The following ACTR3 variants were observed in gnomAD, a reference collection of about 807,000 sequenced individuals.
The protein encoded by ACTR3 is actin related protein 3, also known as actin-related protein 3.
A neutral mutation model predicts 56.8 loss-of-function variants in ACTR3; 12 were observed. That is an observed-to-expected ratio of 0.21 (90% confidence interval 0.14 to 0.34). ACTR3 has a LOEUF of 0.34. ACTR3 is among the 10% of genes least tolerant of loss of function. The pLI is 1.00. For missense variants in ACTR3, 282 were observed against 512.5 expected, an observed-to-expected ratio of 0.55 and a Z score of 4.34; for synonymous variants, 162 against 167.4, an observed-to-expected ratio of 0.97 and a Z score of 0.25.
chr2:113,922,362 G>A (rs189084869), intron 3 of ACTR3, among the ~76,000 whole-genome samples: 3 of 152,140 alleles, frequency 2.0e-5, no homozygotes, highest in African/African-American at 4.8e-5. Context: ...ATTGACATGC[G>A]GAATATCTTA....
At chr2:113,894,639 T>A (rs1268741220) in intron 1 of ACTR3, among the ~76,000 whole-genome samples, 1 of 152,216 alleles carries the variant, frequency 6.6e-6, no homozygotes, top group East Asian at 1.9e-4. Flanking sequence ...AATACTATAT[T>A]GCGGTGAACG....
chr2:113,931,638 A>G (rs1211511128), intron 5 of ACTR3, among the ~76,000 whole-genome samples: 1 of 152,166 alleles, frequency 6.6e-6, no homozygotes, highest in Non-Finnish European at 1.5e-5. Flanking sequence ...AAGGGCTTTC[A>G]TAGGACAGAA....
At chr2:113,913,338 A>G (rs974584692) in intron 2 of ACTR3, 111 bp downstream of exon 2, 8 of 766,028 alleles carry the variant, frequency 1.0e-5, no homozygotes, top group African/African-American at 1.9e-5. Context: ...TAGTCCTTTT[A>G]AAAACATGAT....
At chr2:113,955,750 A>G (rs369154089) in intron 11 of ACTR3, 44 bp downstream of exon 11, 48 of 1,470,262 alleles carry the variant, frequency 3.3e-5, no homozygotes, top group Non-Finnish European at 4.2e-5. Context: ...TATCATTATT[A>G]TTTTATTTAT....
intron 1 of ACTR3, among the ~76,000 whole-genome samples, chr2:113,894,077 A>G (rs1574345710): frequency 6.6e-6 from 1 of 151,910 alleles, no homozygotes; most frequent in Non-Finnish European, 1.5e-5. Flanking sequence ...CGTATTGTTT[A>G]ATAATAATGC....
At chr2:113,937,084 C>G (rs1679841900) in intron 6 of ACTR3, among the ~76,000 whole-genome samples, 1 of 152,036 alleles carries the variant, frequency 6.6e-6, no homozygotes, top group African/African-American at 2.4e-5. Flanking sequence ...ACAATTTACC[C>G]AGTAGCAAAA....
chr2:113,945,711 G>A (rs1020799002), intron 8 of ACTR3, among the ~76,000 whole-genome samples: 4 of 151,862 alleles, frequency 2.6e-5, no homozygotes, highest in Non-Finnish European at 5.9e-5. Context: ...CTTTTGTCAT[G>A]GAGGTTGTAC....
intron 6 of ACTR3, among the ~76,000 whole-genome samples, chr2:113,938,230 T>C (rs553211316): frequency 6.6e-6 from 1 of 152,150 alleles, no homozygotes; most frequent in Admixed American, 6.5e-5. Context: ...CTCTTCCTCA[T>C]CCTCATTGTT....
At chr2:113,939,149 G>A (rs12469844) in intron 6 of ACTR3, among the ~76,000 whole-genome samples, 14,261 of 150,922 alleles carry the variant, frequency 0.094, 1,099 homozygotes, top group African/African-American at 0.21. Flanking sequence ...TCAGCCTCCC[G>A]TGTAGCTGGG....
chr2:113,907,760 A>T (rs1050495018), intron 1 of ACTR3, among the ~76,000 whole-genome samples: 1 of 151,956 alleles, frequency 6.6e-6, no homozygotes, highest in East Asian at 1.9e-4. Flanking sequence ...ATCACCTGAG[A>T]TCAGGAGTTG....
At chr2:113,914,255 C>G (rs13414001) in intron 2 of ACTR3, among the ~76,000 whole-genome samples, 18,645 of 152,164 alleles carry the variant, frequency 0.12, 1,831 homozygotes, top group African/African-American at 0.27. Context: ...TCATTGGACA[C>G]AAGAGGTCAA....
chr2:113,934,571 T>A, intron 6 of ACTR3, 185 bp downstream of exon 6: 1 of 398,704 alleles, frequency 2.5e-6, no homozygotes, highest in East Asian at 4.2e-5. Flanking sequence ...ATGTTTCTTT[T>A]ACTGTAGGTT....
intron 1 of ACTR3, chr2:113,890,638 T>G: frequency 7.9e-7 from 1 of 1,267,906 alleles, no homozygotes; most frequent in Non-Finnish European, 9.9e-7. Context: ...CTGGGGACGG[T>G]CGTCTTGGGG....
intron 6 of ACTR3, among the ~76,000 whole-genome samples, chr2:113,936,306 A>T (rs1372056105): frequency 5.4e-4 from 69 of 127,976 alleles, no homozygotes; most frequent in African/African-American, 2.0e-3. Flanking sequence ...TGTCTCCAAA[A>T]AAAAAAAAAA....
chr2:113,909,621 GTT>G (rs202150469), intron 1 of ACTR3, among the ~76,000 whole-genome samples: 2 of 127,710 alleles, frequency 1.6e-5, no homozygotes. Flanking sequence ...TGTTGTTGTT[GTT>G]TTTTTTTTTT....
Position 113,927,680 on chromosome 2 carries a change from A to T in ACTR3, c.336+225A>T, listed in dbSNP as rs1176540223. 6.6e-5 allele frequency among the ~76,000 whole-genome samples: 10 copies of T among 152,290 alleles called. No homozygotes were observed. The East Asian group carries it at 1.9e-3, about 29-fold the overall frequency. ...CACTTAAGAAGTGCTTTTGGTAGTTAATGTCTAATCTTTATGATAGAAACA... is the reference window on the plus strand; with the variant it reads ...CACTTAAGAAGTGCTTTTGGTAGTTTATGTCTAATCTTTATGATAGAAACA... On this transcript the variant is annotated intron_variant, in intron 4 of 11. Coordinates refer to ENST00000263238, the MANE Select transcript of ACTR3 (RefSeq NM_005721.5).
At chr2:113,911,038 G>A (rs1679297260) in intron 1 of ACTR3, among the ~76,000 whole-genome samples, 4 of 152,114 alleles carry the variant, frequency 2.6e-5, no homozygotes, top group Admixed American at 2.6e-4. Flanking sequence ...TTTTATTTTG[G>A]TATAGTAGAC....
At chr2:113,942,493 CATTTT>C in intron 8 of ACTR3, 134 bp downstream of exon 8, 1 of 607,712 alleles carries the variant, frequency 1.6e-6, no homozygotes, top group Non-Finnish European at 2.5e-6. Flanking sequence ...GTTTATAAAA[CATTTT>C]ATGAACTTTT....
Position 113,931,290 on chromosome 2 carries a change from T to A in ACTR3, c.337-11T>A. Reference sequence around the variant, plus strand: ...GATATTATCTATTTAAAATGTTATTTATTTCAATAGACTGAACCTCCATTG... The same window carrying A: ...GATATTATCTATTTAAAATGTTATTAATTTCAATAGACTGAACCTCCATTG... On this transcript the variant is annotated splice_polypyrimidine_tract_variant and intron_variant, in intron 4 of 11. Coordinates refer to ENST00000263238, the MANE Select transcript of ACTR3 (RefSeq NM_005721.5). The A allele has an allele frequency of 6.8e-7, 1 of 1,467,210 alleles. No individual in the cohort carries two copies. The highest frequency in any genetic ancestry group is 9.2e-7 in the Non-Finnish European group (1 of 1,082,120). 90.9% of individuals were successfully genotyped at this position (1,467,210 alleles called of 1,614,324 possible).
Sources: gnomAD v4.1 joint callset for allele counts (sites outside exome capture counted in the v4.1 genomes callset) on GRCh38, gnomAD v4.1.1 for gene constraint, MANE v1.5 for transcripts, NCBI Gene and HGNC (gene_info 2026-07-23, HGNC 2026-07-21) for gene names.